MITF: variants seen among roughly 807,000 people sequenced by gnomAD.
MITF encodes the protein microphthalmia-associated transcription factor.
MITF carries 17 observed loss-of-function variants against 60.5 expected under a neutral mutation model. That is an observed-to-expected ratio of 0.28 (90% CI 0.19 to 0.42). MITF has a LOEUF of 0.42. Ranked by LOEUF, MITF falls within the 10% of genes least tolerant of loss-of-function variation. MITF has a pLI of 1.00. For missense variants in MITF, 622 were observed against 683.5 expected (o/e 0.91, Z 1.00); for synonymous variants, 260 against 248.5 (o/e 1.05, Z -0.43).
chr3:69,803,598 G>A (rs1193323517), intron 1 of MITF, among the ~76,000 whole-genome samples: 1 of 152,132 alleles, frequency 6.6e-6, no homozygotes, highest in Admixed American at 6.5e-5. Context: ...AAAAAAGGTT[G>A]AATTGAATAA....
chr3:69,779,922 G>T (rs1179147834), intron 1 of MITF, among the ~76,000 whole-genome samples: 2 of 152,080 alleles, frequency 1.3e-5, no homozygotes, highest in African/African-American at 2.4e-5. Context: ...GGACTAGAAT[G>T]GATTGGAAAA....
intron 5 of MITF, among the ~76,000 whole-genome samples, chr3:69,942,343 G>A (rs148666342): frequency 0.027 from 4,058 of 152,172 alleles, 90 homozygotes; most frequent in Non-Finnish European, 0.043. Flanking sequence ...TTACCATAAT[G>A]AAATTTTTTA....
chr3:69,820,611 A>G (rs1003706822), intron 1 of MITF, among the ~76,000 whole-genome samples: 1 of 152,216 alleles, frequency 6.6e-6, no homozygotes, highest in Non-Finnish European at 1.5e-5. Context: ...ATGGCCTGGT[A>G]AAACTTCTTT....
chr3:69,918,615 T>A (rs1239399490), intron 2 of MITF, among the ~76,000 whole-genome samples: 1 of 152,206 alleles, frequency 6.6e-6, no homozygotes, highest in Non-Finnish European at 1.5e-5. Context: ...TCTCTGGTTA[T>A]ATGAAAGCAG....
intron 1 of MITF, among the ~76,000 whole-genome samples, chr3:69,810,304 T>C (rs2106993056): frequency 6.6e-6 from 1 of 152,326 alleles, no homozygotes; most frequent in South Asian, 2.1e-4. Flanking sequence ...AAGCGTTGTG[T>C]CATATTTTAT....
At chr3:69,755,832 A>C (rs1704125073) in intron 1 of MITF, among the ~76,000 whole-genome samples, 1 of 152,194 alleles carries the variant, frequency 6.6e-6, no homozygotes, top group Non-Finnish European at 1.5e-5. Context: ...GTAAGGGTGC[A>C]GTAGATACCA....
At position 69,792,322 on chromosome 3, in the gene MITF, G is replaced by A. The variant is rs544214421; in HGVS notation, c.104+52621G>A. On this transcript the variant is annotated intron_variant, in intron 1 of 9. Coordinates refer to ENST00000352241, the MANE Select transcript of MITF (RefSeq NM_001354604.2). ...AATTGGTCAACAGCAGCACTCACTGGTAAAAATAGGAACAACAGATTCAAG... is the reference window on the plus strand; with the variant it reads ...AATTGGTCAACAGCAGCACTCACTGATAAAAATAGGAACAACAGATTCAAG... Among the ~76,000 whole-genome samples the A allele has an allele frequency of 3.9e-5, 6 of 152,232 alleles. No homozygotes were observed. The South Asian group carries it at 1.2e-3, about 32-fold the overall frequency.
Position 69,953,643 on chromosome 3 carries a change from G to GTA in MITF, c.955+1759_955+1760dup, listed in dbSNP as rs1182758048. ...TATATATGTGTGTATATATATATAT[G>GTA]TATGTATATATATATATATAGAGAG... On this transcript the variant is annotated intron_variant, in intron 7 of 9. Transcript: ENST00000352241. Among the ~76,000 whole-genome samples, 525 of 129,338 alleles carry GTA rather than the reference G, an allele frequency of 4.1e-3. 2 individuals carry two copies. The highest frequency in any genetic ancestry group is 0.015 in the African/African-American group (497 of 33,862). The allele number at this position is 129,338 out of a possible 152,430, so 84.9% of individuals were successfully genotyped here.
At chr3:69,822,063 G>GTC (rs1162217756) in intron 1 of MITF, among the ~76,000 whole-genome samples, 1 of 152,042 alleles carries the variant, frequency 6.6e-6, no homozygotes, top group Admixed American at 6.6e-5. Context: ...TTTCTTGATA[G>GTC]TCTCTCTCTC....
intron 8 of MITF, among the ~76,000 whole-genome samples, chr3:69,957,234 T>C (rs1365415960): frequency 1.3e-5 from 2 of 152,164 alleles, no homozygotes; most frequent in East Asian, 3.9e-4. Context: ...TTTTTATCCA[T>C]TAGAAATTGG....
intron 2 of MITF, among the ~76,000 whole-genome samples, chr3:69,884,799 A>G (rs1338681652): frequency 1.3e-5 from 2 of 152,188 alleles, no homozygotes; most frequent in East Asian, 3.9e-4. Flanking sequence ...ACTAGTAGCT[A>G]GTAATGAAAT....
intron 1 of MITF, among the ~76,000 whole-genome samples, chr3:69,745,002 C>T (rs758057301): frequency 5.9e-5 from 9 of 151,990 alleles, no homozygotes; most frequent in African/African-American, 1.7e-4. Context: ...AGTGTTTTTA[C>T]GTGTGTAAAA....
At chr3:69,808,500 A>G (rs969552760) in intron 1 of MITF, among the ~76,000 whole-genome samples, 2 of 152,170 alleles carry the variant, frequency 1.3e-5, no homozygotes, top group Non-Finnish European at 2.9e-5. Flanking sequence ...TAAAAAAATG[A>G]TAAAGTGCAT....
At chr3:69,753,374 C>T (rs1051722455) in intron 1 of MITF, among the ~76,000 whole-genome samples, 1 of 152,232 alleles carries the variant, frequency 6.6e-6, no homozygotes, top group Non-Finnish European at 1.5e-5. Context: ...AGGGGCAGAG[C>T]CCTCATAAAG....
intron 2 of MITF, among the ~76,000 whole-genome samples, chr3:69,881,414 A>G (rs891607084): frequency 6.6e-6 from 1 of 152,094 alleles, no homozygotes; most frequent in Non-Finnish European, 1.5e-5. Context: ...TTTGATAGCT[A>G]TTTAGACAAA....
At chr3:69,873,956 T>G (rs2064294764) in intron 1 of MITF, among the ~76,000 whole-genome samples, 1 of 152,210 alleles carries the variant, frequency 6.6e-6, no homozygotes, top group African/African-American at 2.4e-5. Context: ...CAGCGAATTT[T>G]GTTTTTCTCA....
intron 1 of MITF, among the ~76,000 whole-genome samples, chr3:69,756,891 T>C (rs988987031): frequency 6.6e-6 from 1 of 152,250 alleles, no homozygotes; most frequent in Non-Finnish European, 1.5e-5. Flanking sequence ...CCAGTGATGA[T>C]GATCTTTTTT....
chr3:69,880,325 A>T (rs969572232), intron 2 of MITF, among the ~76,000 whole-genome samples: 1 of 152,148 alleles, frequency 6.6e-6, no homozygotes, highest in African/African-American at 2.4e-5. Flanking sequence ...TAGAGAGATG[A>T]TGTGTTATAA....
chr3:69,932,045 A>T (rs186142584), intron 2 of MITF, among the ~76,000 whole-genome samples: 12 of 152,368 alleles, frequency 7.9e-5, no homozygotes, highest in African/African-American at 2.9e-4. Context: ...AAAATTACGT[A>T]TACATATACT....
Sources: gnomAD v4.1 joint callset for allele counts (sites outside exome capture counted in the v4.1 genomes callset) on GRCh38, gnomAD v4.1.1 for gene constraint, MANE v1.5 for transcripts, NCBI Gene and HGNC (gene_info 2026-07-23, HGNC 2026-07-21) for gene names.